TNNI3K: variants seen among roughly 807,000 people sequenced by gnomAD.
TNNI3K encodes the protein TNNI3 interacting kinase, also known as serine/threonine-protein kinase TNNI3K.
In TNNI3K, 140 loss-of-function variants were observed where a neutral mutation model predicts 114.5. The ratio of observed to expected loss-of-function variants is 1.22; its 90% CI spans 1.07 to 1.41. The LOEUF (loss-of-function observed/expected upper bound fraction) is 1.41. Ranked by LOEUF, TNNI3K falls within the 40% of genes most tolerant of loss-of-function variation. TNNI3K has a pLI of 0.00. For missense variants in TNNI3K, 1,125 were observed against 1,007.6 expected, an observed-to-expected ratio of 1.12 and a Z score of -1.58; for synonymous variants, 347 against 347.5, an observed-to-expected ratio of 1.00 and a Z score of 0.02.
intron 17 of TNNI3K, chr1:74,416,646 A>T: frequency 1.3e-6 from 1 of 749,362 alleles, no homozygotes; most frequent in Non-Finnish European, 1.6e-6. Flanking sequence ...TTGAAATTAG[A>T]TACATGAATT....
chr1:74,371,395 A>T (rs925456786), intron 17 of TNNI3K: 1 of 151,834 alleles, frequency 6.6e-6, no homozygotes, highest in African/African-American at 2.4e-5. Flanking sequence ...ACCTAAATGT[A>T]TTTGAGGTAT....
intron 23 of TNNI3K, among the ~76,000 whole-genome samples, chr1:74,495,246 A>G (rs775965191): frequency 8.5e-5 from 13 of 152,240 alleles, no homozygotes; most frequent in Non-Finnish European, 1.9e-4. Flanking sequence ...TCAGTTTGTT[A>G]GTACCATTCC....
intron 17 of TNNI3K, among the ~76,000 whole-genome samples, chr1:74,379,945 C>T (rs926918945): frequency 2.6e-5 from 4 of 152,088 alleles, no homozygotes; most frequent in African/African-American, 9.7e-5. Context: ...GCTGCATTCA[C>T]CAATTCTAAA....
intron 7 of TNNI3K, 47 bp from the exon 8 acceptor site, chr1:74,342,795 A>G: frequency 6.2e-7 from 1 of 1,608,258 alleles, no homozygotes; most frequent in Admixed American, 1.7e-5. Flanking sequence ...AGGTTGAGAA[A>G]CAAACAATTC....
In TNNI3K at chr1:74,476,515, T is replaced by G. The variant is rs145862622; in HGVS notation, c.2122-12674T>G. Among the ~76,000 whole-genome samples, 249 of 152,270 alleles carry G rather than the reference T, an allele frequency of 1.6e-3. 2 individuals carry two copies. Among genetic ancestry groups the G allele is most frequent in the African/African-American group, 5.7e-3 (236 of 41,560 alleles). On this transcript the variant is annotated intron_variant, in intron 21 of 24. Transcript: ENST00000326637. ...GAGGCAACACATCCTTTTAGTCCTG[T>G]TCAACATTCTATCCCCAGTGTCCAC...
chr1:74,365,046 A>C (rs1402204940), intron 11 of TNNI3K, among the ~76,000 whole-genome samples: 1 of 152,100 alleles, frequency 6.6e-6, no homozygotes, highest in African/African-American at 2.4e-5. Context: ...AAATTCCAAA[A>C]AGGAGTTTCC....
chr1:74,471,049 G>T (rs1267889452), intron 21 of TNNI3K: 1 of 400,574 alleles, frequency 2.5e-6, no homozygotes, highest in East Asian at 3.6e-5. Flanking sequence ...TTGCTCAGTT[G>T]AGAATTGAGA....
intron 17 of TNNI3K, among the ~76,000 whole-genome samples, chr1:74,407,267 T>C (rs1277686405): frequency 6.6e-6 from 1 of 152,196 alleles, no homozygotes; most frequent in Non-Finnish European, 1.5e-5. Flanking sequence ...AATAATGCTA[T>C]TAACTCAGAA....
At chr1:74,464,992 T>C (rs1033101800) in intron 21 of TNNI3K, 1 of 1,194,724 alleles carries the variant, frequency 8.4e-7, no homozygotes, top group Non-Finnish European at 1.0e-6. Flanking sequence ...TCTTGAAAAT[T>C]ACATCACATA....
intron 2 of TNNI3K, among the ~76,000 whole-genome samples, chr1:74,241,915 T>C (rs929257126): frequency 2.0e-5 from 3 of 151,138 alleles, no homozygotes; most frequent in African/African-American, 4.9e-5. Flanking sequence ...AGTGGCGCGA[T>C]CTAGGCTCAC....
chr1:74,301,077 A>G (rs1444942539), intron 5 of TNNI3K, among the ~76,000 whole-genome samples: 2 of 152,180 alleles, frequency 1.3e-5, no homozygotes, highest in Admixed American at 1.3e-4. Flanking sequence ...TAAAATACAT[A>G]CACATATTTC....
intron 21 of TNNI3K, chr1:74,472,313 C>T (rs2100740377): frequency 1.7e-6 from 1 of 604,054 alleles, no homozygotes; most frequent in East Asian, 2.8e-5. Flanking sequence ...CTGATAATTG[C>T]AGTTCTTCAC....
At chr1:74,268,680 G>A (rs573274542) in intron 4 of TNNI3K, among the ~76,000 whole-genome samples, 1 of 151,938 alleles carries the variant, frequency 6.6e-6, no homozygotes, top group Admixed American at 6.6e-5. Flanking sequence ...TTAGCAAAAA[G>A]GAGTGACAGA....
chr1:74,517,166 G>A (rs978253895), intron 23 of TNNI3K, among the ~76,000 whole-genome samples: 6 of 151,906 alleles, frequency 3.9e-5, no homozygotes, highest in African/African-American at 1.2e-4. Context: ...CTTTCTATAT[G>A]CAACATATCT....
intron 23 of TNNI3K, among the ~76,000 whole-genome samples, chr1:74,513,359 G>A (rs533423064): frequency 6.6e-6 from 1 of 152,314 alleles, no homozygotes; most frequent in South Asian, 2.1e-4. Flanking sequence ...GAAATGTTGG[G>A]GATGCAGGGG....
intron 23 of TNNI3K, among the ~76,000 whole-genome samples, chr1:74,537,447 A>C (rs2100457636): frequency 6.6e-6 from 1 of 152,332 alleles, no homozygotes; most frequent in Middle Eastern, 3.4e-3. Flanking sequence ...AGCTTAAGGA[A>C]GTGAGGCCAA....
intron 5 of TNNI3K, among the ~76,000 whole-genome samples, chr1:74,296,385 C>A (rs1657986822): frequency 6.6e-6 from 1 of 151,714 alleles, no homozygotes; most frequent in Admixed American, 6.6e-5. Context: ...CTCTCACTTT[C>A]TTTTATTCTA....
chr1:74,274,540 T>C (rs1656550338), intron 5 of TNNI3K, among the ~76,000 whole-genome samples: 1 of 152,002 alleles, frequency 6.6e-6, no homozygotes, highest in Non-Finnish European at 1.5e-5. Context: ...AAATAAGACA[T>C]AGATTTTTCC....
intron 20 of TNNI3K, among the ~76,000 whole-genome samples, chr1:74,455,748 G>A (rs1347776303): frequency 6.6e-6 from 1 of 152,188 alleles, no homozygotes; most frequent in African/African-American, 2.4e-5. Context: ...CCCCAGAAAA[G>A]AGAGCTAATT....
Sources: gnomAD v4.1 joint callset for allele counts (sites outside exome capture counted in the v4.1 genomes callset) on GRCh38, gnomAD v4.1.1 for gene constraint, MANE v1.5 for transcripts, NCBI Gene and HGNC (gene_info 2026-07-23, HGNC 2026-07-21) for gene names.